The following DIS3L variants were observed in gnomAD, a reference collection of about 807,000 sequenced individuals.
The protein encoded by DIS3L is DIS3 like exosome 3'-5' exoribonuclease.
A neutral mutation model predicts 120.3 loss-of-function variants in DIS3L; 100 were observed. The observed-to-expected ratio is 0.83, with a 90% CI of 0.71 to 0.98. The LOEUF is 0.98. DIS3L is among the 50% of genes least tolerant of loss of function. DIS3L has a pLI of 0.00. For synonymous variants in DIS3L, 426 were observed against 470.6 expected (o/e 0.91, Z 1.23); for missense variants, 1,196 against 1,314.2 (o/e 0.91, Z 1.39).
chr15:66,318,733 T>C (rs1163801476), intron 8 of DIS3L, 115 bp downstream of exon 8: 1 of 1,110,780 alleles, frequency 9.0e-7, no homozygotes, highest in Admixed American at 2.9e-5. Context: ...AAGAAATAAA[T>C]TATTGATGGC....
chr15:66,310,920 A>G (rs1566943520), intron 4 of DIS3L, among the ~76,000 whole-genome samples: 1 of 152,084 alleles, frequency 6.6e-6, no homozygotes. Flanking sequence ...ACTTGAGCCC[A>G]GGAGGTCAAG....
At chr15:66,305,077 T>C (rs1258190345) in intron 2 of DIS3L, among the ~76,000 whole-genome samples, 1 of 141,928 alleles carries the variant, frequency 7.0e-6, no homozygotes, top group Non-Finnish European at 1.5e-5. Context: ...CTCGGCTCAC[T>C]GCAAGCTCCG....
In DIS3L at chr15:66,308,827, T is replaced by C. The variant is rs1186535632; in HGVS notation, c.541T>C (p.Phe181Leu). ...GTATGGAAGTGAAACAGAAGGAGTA[T>C]TCGTGATTACTTTCAAGGTATTTCC... ...QQYGSETEGV[F>L]VITFKNYLDN... Residue 181 changes from phenylalanine (F) to leucine (L), a missense_variant, in exon 4 of 17, where the codon TTC becomes CTC. Coordinates refer to ENST00000319212, the MANE Select transcript of DIS3L (RefSeq NM_001143688.3). 5.0e-6 allele frequency: 8 copies of C among 1,612,968 alleles called. No homozygotes were observed. Among genetic ancestry groups the C allele is most frequent in the African/African-American group, 1.3e-5 (1 of 74,780 alleles).
chr15:66,314,122 A>G lies in DIS3L; in HGVS notation c.814+5A>G, dbSNP rs1248770371. 1.4e-6 allele frequency: 2 copies of G among 1,475,832 alleles called. No individual in the cohort carries two copies. The highest frequency in any genetic ancestry group is 1.8e-6 in the Non-Finnish European group (2 of 1,118,046). The allele number at this position is 1,475,832 out of a possible 1,614,324, so 91.4% of individuals were successfully genotyped here. The stretch of plus-strand genomic sequence containing the variant: ...GAGCCAGCAGTAAAGATTCAGGTTC[A>G]GTATAAACCTTACATAAATTTCCAT... On this transcript the variant is annotated splice_donor_5th_base_variant and intron_variant, in intron 6 of 16. Transcript: ENST00000319212.
Position 66,328,944 on chromosome 15 carries a change from C to G in DIS3L, c.2202-26C>G, listed in dbSNP as rs2092966835. 6 of 1,606,282 alleles carry G rather than the reference C, an allele frequency of 3.7e-6. No homozygotes were observed. In the East Asian group the frequency reaches 1.3e-4, roughly 36 times the overall value. On this transcript the variant is annotated intron_variant, in intron 12 of 16. Transcript: ENST00000319212. ...CTTGTAAATTACTGTCTGGGACTAG[C>G]TAACGGTTTTTCTGTTCTTTGTCAG... is the stretch of plus-strand genomic sequence containing the variant.
chr15:66,305,394 G>A (rs1477095466), intron 2 of DIS3L, among the ~76,000 whole-genome samples: 2 of 152,070 alleles, frequency 1.3e-5, no homozygotes, highest in South Asian at 2.1e-4. Context: ...TGGGGAGTTC[G>A]GCCTTTGCTT....
At chr15:66,304,623 G>A (rs1401623502) in intron 2 of DIS3L, among the ~76,000 whole-genome samples, 4 of 152,246 alleles carry the variant, frequency 2.6e-5, no homozygotes, top group East Asian at 1.9e-4. Context: ...TTTTATGGCC[G>A]GGCGTGACGG....
At chr15:66,296,742 T>C (rs2140314951) in intron 2 of DIS3L, among the ~76,000 whole-genome samples, 1 of 152,254 alleles carries the variant, frequency 6.6e-6, no homozygotes, top group East Asian at 1.9e-4. Context: ...CAGACTTGTG[T>C]TGAACTCCTT....
At chr15:66,293,478 G>T, upstream of DIS3L, 1 of 1,230,064 alleles carries the variant, frequency 8.1e-7, no homozygotes, top group South Asian at 3.1e-5. Flanking sequence ...GGCCTCCCCC[G>T]GGCGCGGCAG....
chr15:66,317,227 C>T (rs1412442282), intron 7 of DIS3L, among the ~76,000 whole-genome samples: 1 of 151,492 alleles, frequency 6.6e-6, no homozygotes, highest in Admixed American at 6.6e-5. Context: ...CACAGACACC[C>T]AAACTGATTT....
upstream of DIS3L, chr15:66,293,561 G>A: frequency 1.4e-6 from 2 of 1,398,626 alleles, no homozygotes; most frequent in Non-Finnish European, 1.9e-6. Flanking sequence ...CCTCCGCCGC[G>A]CCCGCCACTC....
chr15:66,315,603 C>T (rs1258149191), intron 7 of DIS3L, among the ~76,000 whole-genome samples: 1 of 152,122 alleles, frequency 6.6e-6, no homozygotes, highest in African/African-American at 2.4e-5. Flanking sequence ...TCAATTTTCC[C>T]ACTCTGCAGG....
Position 66,326,170 on chromosome 15 carries a change from C to T in DIS3L, c.2007C>T (p.Leu669=). The change falls in exon 12 of 17, where the codon CTC becomes CTT. Residue 669 remains leucine (L), a synonymous_variant. Transcript: ENST00000319212. ...ATGACAAAAAGAACATTCACGACCT[C>T]ATCCCCAAGCAGCCCCTGGAAGTCC... ...QLDDKKNIHD[L]IPKQPLEVHE... is the part of the protein sequence containing the mutation. 1.2e-6 allele frequency: 2 copies of T among 1,614,198 alleles called. No individual in the cohort carries two copies. The highest frequency in any genetic ancestry group is 1.7e-6 in the Non-Finnish European group (2 of 1,180,036).
At position 66,293,705 on chromosome 15, in the gene DIS3L, C is replaced by T. The variant is rs2092548190; in HGVS notation, c.109C>T (p.Leu37Phe). ...GCCCTGCGTGCCCTGCCACAGCCCG[C>T]TCTGCCCGCAGCCCGCCGCCTGCAG... ...LRPCVPCHSP[L>F]CPQPAACSHD... Residue 37 changes from leucine to phenylalanine, a missense_variant, in exon 1 of 17, where the codon CTC becomes TTC. Coordinates refer to ENST00000319212, the MANE Select transcript of DIS3L (RefSeq NM_001143688.3). 3.0e-6 allele frequency: 4 copies of T among 1,353,798 alleles called. No individual in the cohort carries two copies. Among genetic ancestry groups the T allele is most frequent in the Non-Finnish European group, 3.8e-6 (4 of 1,046,786 alleles). The allele number at this position is 1,353,798 out of a possible 1,614,324, so 83.9% of individuals were successfully genotyped here.
intron 14 of DIS3L, chr15:66,331,602 G>T: frequency 4.2e-6 from 1 of 238,608 alleles, no homozygotes; most frequent in Non-Finnish European, 8.0e-6. Context: ...TACTTTTCCT[G>T]TACCCAAGGT....
upstream of DIS3L, chr15:66,293,471 C>T (rs2092543639): frequency 8.1e-7 from 1 of 1,228,716 alleles, no homozygotes; most frequent in East Asian, 3.7e-5. Flanking sequence ...AGCTCCGGGC[C>T]TCCCCCGGGC....
At chr15:66,327,383 C>T (rs1256354374) in intron 12 of DIS3L, among the ~76,000 whole-genome samples, 1 of 152,186 alleles carries the variant, frequency 6.6e-6, no homozygotes, top group African/African-American at 2.4e-5. Flanking sequence ...ACTACACCAA[C>T]AGTGAATTTA....
chr15:66,320,158 G>C lies in DIS3L; in HGVS notation c.1165-413G>C, dbSNP rs117894663. Reference sequence around the variant, plus strand: ...AAAATAAAATAAAATAGACTTCAAAGAAATTAGGAACTACCTCCCACACAC... The same window carrying C: ...AAAATAAAATAAAATAGACTTCAAACAAATTAGGAACTACCTCCCACACAC... On this transcript the variant is annotated intron_variant, in intron 8 of 16. Coordinates refer to ENST00000319212, the MANE Select transcript of DIS3L (RefSeq NM_001143688.3). Among the ~76,000 whole-genome samples the C allele has an allele frequency of 4.3e-4, 66 of 151,958 alleles. 1 individual carries two copies. The East Asian group carries it at 0.012, about 28-fold the overall frequency.
chr15:66,329,916 A>C (rs2092982329), intron 14 of DIS3L: 2 of 983,856 alleles, frequency 2.0e-6, no homozygotes, highest in South Asian at 9.4e-5. Flanking sequence ...GTGTCTCAAA[A>C]AAAAAAAAAG....
Sources: allele counts gnomAD v4.1 joint callset (sites outside exome capture counted in the v4.1 genomes callset), GRCh38; gene constraint gnomAD v4.1.1; transcripts MANE v1.5; gene names NCBI Gene and HGNC (gene_info 2026-07-23, HGNC 2026-07-21).